Variants in EFHC2 observed in about 807,000 individuals in gnomAD.
The protein encoded by EFHC2 is EF-hand domain-containing family member C2.
EFHC2 carries 18 observed loss-of-function variants against 52.7 expected under a neutral mutation model. The ratio of observed to expected loss-of-function variants is 0.34; its 90% CI spans 0.24 to 0.51. EFHC2 has a LOEUF of 0.51. Ranked by LOEUF, EFHC2 falls within the 20% of genes least tolerant of loss-of-function variation. The pLI is 0.97. For synonymous variants in EFHC2, 203 were observed against 204.1 expected (o/e 0.99, Z 0.04); for missense variants, 513 against 562.5 (o/e 0.91, Z 0.89).
At chrX:44,309,935 G>A in intron 2 of EFHC2, 1 of 989,262 alleles carries the variant, frequency 1.0e-6, no homozygotes, top group Non-Finnish European at 1.4e-6. Flanking sequence ...TGATGTAAGT[G>A]TCAATAAGGA....
chrX:44,281,041 T>TC (rs2037698249), intron 2 of EFHC2, among the ~76,000 whole-genome samples: 1 of 110,931 alleles, frequency 9.0e-6, no homozygotes, highest in Non-Finnish European at 1.9e-5. Context: ...TGCCTCAGCC[T>TC]CCCGAGTAGC....
intron 2 of EFHC2, among the ~76,000 whole-genome samples, chrX:44,292,212 A>G (rs970996710): frequency 9.1e-6 from 1 of 109,944 alleles, no homozygotes; most frequent in Non-Finnish European, 1.9e-5. Flanking sequence ...TATCACATAC[A>G]CACACACACA....
At chrX:44,216,030 T>C (rs1180725106) in intron 11 of EFHC2, among the ~76,000 whole-genome samples, 1 of 112,497 alleles carries the variant, frequency 8.9e-6, no homozygotes, top group Non-Finnish European at 1.9e-5. Context: ...GCCATGACCT[T>C]GAGGCACTAA....
At chrX:44,321,545 G>T (rs1014950594) in intron 1 of EFHC2, among the ~76,000 whole-genome samples, 1 of 111,832 alleles carries the variant, frequency 8.9e-6, no homozygotes, top group East Asian at 2.8e-4. Flanking sequence ...ACGTGATCAG[G>T]GAGATGGGGT....
intron 14 of EFHC2, among the ~76,000 whole-genome samples, chrX:44,162,634 G>T (rs1347471778): frequency 9.0e-6 from 1 of 111,570 alleles, no homozygotes; most frequent in Non-Finnish European, 1.9e-5. Context: ...CTGTACAAGT[G>T]CCATGCTGTC....
chrX:44,339,900 C>G (rs892331373), intron 1 of EFHC2, among the ~76,000 whole-genome samples: 7 of 111,338 alleles, frequency 6.3e-5, no homozygotes, highest in African/African-American at 2.3e-4. Flanking sequence ...ACATTTAGTA[C>G]CAAGGCTAGT....
chrX:44,170,691 T>TAA (rs555233418), intron 13 of EFHC2, among the ~76,000 whole-genome samples: 2 of 98,293 alleles, frequency 2.0e-5, no homozygotes. Flanking sequence ...GTGCTTTCCA[T>TAA]AAAAAAAAAA....
chrX:44,164,116 T>C, intron 13 of EFHC2, 89 bp from the exon 14 acceptor site: 1 of 486,542 alleles, frequency 2.1e-6, no homozygotes, highest in Non-Finnish European at 3.2e-6. Context: ...GAAAACATAA[T>C]ACCATATATG....
chrX:44,178,671 A>G, intron 11 of EFHC2, 107 bp from the exon 12 acceptor site: 1 of 656,368 alleles, frequency 1.5e-6, no homozygotes, highest in Non-Finnish European at 2.2e-6. Flanking sequence ...AACTTTTACC[A>G]ACTGTACAGA....
At chrX:44,288,805 A>G (rs1227063885) in intron 2 of EFHC2, among the ~76,000 whole-genome samples, 1 of 111,949 alleles carries the variant, frequency 8.9e-6, no homozygotes, top group Non-Finnish European at 1.9e-5. Context: ...GTATTTTTTA[A>G]TGTCTTAAGC....
rs368133008 is a variant in EFHC2 at position 44,248,635 on chromosome X, A to T, written c.972+168T>A. 4.1e-4 allele frequency among the ~76,000 whole-genome samples: 46 copies of T among 112,616 alleles called. No individual in the cohort carries two copies. The East Asian group carries it at 6.4e-3, about 16-fold the overall frequency. On this transcript the variant is annotated intron_variant, in intron 6 of 14. Transcript: ENST00000420999. ...TGCAATGCATTGCATATATTTATAT[A>T]GACATTTCAGCATGTTTATTACTGA...
At chrX:44,328,827 A>G (rs936846382) in intron 1 of EFHC2, among the ~76,000 whole-genome samples, 5 of 111,231 alleles carry the variant, frequency 4.5e-5, no homozygotes, top group Non-Finnish European at 3.8e-5. Flanking sequence ...TTGCTGGGCC[A>G]CTACTTCATT....
intron 11 of EFHC2, among the ~76,000 whole-genome samples, chrX:44,207,341 G>A (rs898623933): frequency 1.9e-4 from 21 of 111,105 alleles, no homozygotes; most frequent in Admixed American, 1.5e-3. Context: ...GTGAAACTCC[G>A]TCTCCACAAA....
At chrX:44,235,230 A>T (rs1338416882) in intron 9 of EFHC2, 75 bp downstream of exon 9, 1 of 916,823 alleles carries the variant, frequency 1.1e-6, no homozygotes, top group Non-Finnish European at 1.4e-6. Flanking sequence ...AAATCAGATC[A>T]TGTTCCCTAA....
At chrX:44,306,035 A>G (rs2037903105) in intron 2 of EFHC2, among the ~76,000 whole-genome samples, 1 of 111,347 alleles carries the variant, frequency 9.0e-6, no homozygotes, top group Non-Finnish European at 1.9e-5. Context: ...TGGACCCCAT[A>G]TGGCAGGATC....
At chrX:44,150,321 G>A (rs2036560235) in intron 14 of EFHC2, among the ~76,000 whole-genome samples, 1 of 111,663 alleles carries the variant, frequency 9.0e-6, no homozygotes. Flanking sequence ...GGGTTGTGAA[G>A]GGTATTCCAG....
rs1381556576 is a variant in EFHC2, at chrX:44,272,961, A to G, written c.232-125T>C. 1.1e-5 allele frequency: 6 copies of G among 532,306 alleles called. No homozygotes were observed. In the African/African-American group the frequency reaches 1.4e-4, roughly 13 times the overall value. The allele number at this position is 532,306 out of a possible 1,213,427, so 43.9% of individuals were successfully genotyped here. ...AAAAAGTAGAGAGAATTTTTCCAAGAACTCATTCTACACATCAGCCATGCG... is the reference window on the plus strand; with the variant it reads ...AAAAAGTAGAGAGAATTTTTCCAAGGACTCATTCTACACATCAGCCATGCG... On this transcript the variant is annotated intron_variant, in intron 2 of 14. Transcript: ENST00000420999.
intron 4 of EFHC2, among the ~76,000 whole-genome samples, chrX:44,260,484 T>C (rs1390299291): frequency 1.8e-5 from 2 of 110,970 alleles, no homozygotes; most frequent in African/African-American, 6.6e-5. Context: ...ATACTAAAAA[T>C]ATTGAGTCTT....
intron 2 of EFHC2, among the ~76,000 whole-genome samples, chrX:44,298,794 G>A (rs2037846425): frequency 1.0e-5 from 1 of 99,175 alleles, no homozygotes; most frequent in Admixed American, 1.2e-4. Context: ...CCAGGAGGTA[G>A]AGGTTGCAGT....
Sources: gnomAD v4.1 joint callset for allele counts (sites outside exome capture counted in the v4.1 genomes callset) on GRCh38, gnomAD v4.1.1 for gene constraint, MANE v1.5 for transcripts, NCBI Gene and HGNC (gene_info 2026-07-23, HGNC 2026-07-21) for gene names.